The following LRRC20 variants were observed in gnomAD, a reference collection of about 807,000 sequenced individuals.
LRRC20 encodes the protein leucine rich repeat containing 20.
LRRC20 carries 11 observed loss-of-function variants against 14.4 expected under a neutral mutation model. The observed-to-expected ratio is 0.77, with a 90% CI of 0.48 to 1.27. The LOEUF (loss-of-function observed/expected upper bound fraction) is 1.27. Ranked by LOEUF, LRRC20 falls within the 50% of genes most tolerant of loss-of-function variation. The pLI, the probability that LRRC20 is intolerant of heterozygous loss-of-function variation, is 0.00. For missense variants in LRRC20, 219 were observed against 251.2 expected (o/e 0.87, Z 0.87); for synonymous variants, 121 against 107.3 (o/e 1.13, Z -0.79).
intron 2 of LRRC20, among the ~76,000 whole-genome samples, chr10:70,349,468 C>T (rs1366041618): frequency 1.3e-5 from 2 of 152,240 alleles, no homozygotes; most frequent in South Asian, 2.1e-4. Flanking sequence ...ATCCCAGCTA[C>T]TCAGGAGGCT....
intron 2 of LRRC20, among the ~76,000 whole-genome samples, chr10:70,345,957 C>T (rs1258353889): frequency 6.6e-6 from 1 of 151,884 alleles, no homozygotes; most frequent in Non-Finnish European, 1.5e-5. Context: ...CAGCAAGACC[C>T]GTCTCTACAA....
chr10:70,325,381 C>T (rs186069527), intron 3 of LRRC20, among the ~76,000 whole-genome samples: 48 of 152,218 alleles, frequency 3.2e-4, no homozygotes, highest in African/African-American at 1.1e-3. Flanking sequence ...TGGCCTCCCC[C>T]TCCCATCCCT....
chr10:70,328,211 CT>C (rs1189657241), intron 3 of LRRC20, among the ~76,000 whole-genome samples: 4 of 152,198 alleles, frequency 2.6e-5, no homozygotes, highest in Non-Finnish European at 5.9e-5. Flanking sequence ...CTACTATATG[CT>C]CAGCCTAATC....
chr10:70,333,119 G>A (rs776493407), intron 3 of LRRC20, among the ~76,000 whole-genome samples: 28 of 152,202 alleles, frequency 1.8e-4, no homozygotes, highest in Middle Eastern at 3.2e-3. Context: ...CTTAGAGCCT[G>A]GAAGAGGGAA....
rs1404530281 is a variant in LRRC20, at chr10:70,301,473, A to G, written c.436T>C (p.Leu146=). ...PVEKLAAMPA[L]RSINLRFNPL... ...TTGAAGCGGAGGTTGATGCTGCGCAAGGCTGGCATGGCGGCCAGCTTCTCC... is the reference window on the plus strand; with the variant it reads ...TTGAAGCGGAGGTTGATGCTGCGCAGGGCTGGCATGGCGGCCAGCTTCTCC... Residue 146 remains leucine (L), a synonymous_variant, in exon 5 of 5, where the codon TTG becomes CTG. Transcript: ENST00000446961. 1 of 1,614,006 alleles carries G rather than the reference A, an allele frequency of 6.2e-7. No individual in the cohort carries two copies. Among genetic ancestry groups the G allele is most frequent in the Non-Finnish European group, 8.5e-7 (1 of 1,180,042 alleles).
intron 4 of LRRC20, among the ~76,000 whole-genome samples, chr10:70,315,734 C>G (rs1358619782): frequency 6.6e-6 from 1 of 152,230 alleles, no homozygotes; most frequent in Non-Finnish European, 1.5e-5. Context: ...TCACCCTGCT[C>G]TTTTCCACCC....
chr10:70,307,136 G>T (rs1201305058), intron 4 of LRRC20, among the ~76,000 whole-genome samples: 1 of 152,230 alleles, frequency 6.6e-6, no homozygotes, highest in Non-Finnish European at 1.5e-5. Context: ...ATGGGGAAGA[G>T]TATTAGTGCC....
chr10:70,367,697 T>C (rs968122312), intron 2 of LRRC20, among the ~76,000 whole-genome samples: 3 of 151,884 alleles, frequency 2.0e-5, no homozygotes, highest in African/African-American at 4.8e-5. Context: ...GTACCAGGGA[T>C]GGGGAGGGTT....
At position 70,332,537 on chromosome 10, in the gene LRRC20, G is replaced by A. The variant is rs139580330; in HGVS notation, c.232+8016C>T. On this transcript the variant is annotated intron_variant, in intron 3 of 4. Coordinates refer to ENST00000446961, the MANE Select transcript of LRRC20 (RefSeq NM_001278212.2). The stretch of plus-strand genomic sequence containing the variant: ...GTGTGTGCCGTAGTCCCAGCTAGTC[G>A]GGAGGCTAAGGTGGAAAGATCACTT... Among the ~76,000 whole-genome samples the A allele has an allele frequency of 3.2e-4, 49 of 152,260 alleles. No homozygotes were observed. The East Asian group carries it at 9.5e-3, about 29-fold the overall frequency.
chr10:70,340,083 T>C (rs1842859963), intron 3 of LRRC20, among the ~76,000 whole-genome samples: 1 of 150,342 alleles, frequency 6.7e-6, no homozygotes, highest in Admixed American at 6.6e-5. Flanking sequence ...ATCACACCGC[T>C]GCACTCCAGC....
At chr10:70,365,870 A>AC (rs1205107240) in intron 2 of LRRC20, among the ~76,000 whole-genome samples, 1 of 152,104 alleles carries the variant, frequency 6.6e-6, no homozygotes, top group African/African-American at 2.4e-5. Flanking sequence ...GGAGATCGAG[A>AC]CCATCCTGGC....
Position 70,340,653 on chromosome 10 carries a change from G to A in LRRC20, c.132C>T (p.Val44=). ...GGATCTGGCCAGAGACATTCCGCAGGACCTTGTAGATGCCAATGGGAAAGG... is the reference window on the plus strand; with the variant it reads ...GGATCTGGCCAGAGACATTCCGCAGAACCTTGTAGATGCCAATGGGAAAGG... The part of the protein sequence containing the change: ...LVSFPIGIYK[V]LRNVSGQIHL... Residue 44 remains valine (V), a synonymous_variant, in exon 3 of 5, where the codon GTC becomes GTT. Transcript: ENST00000446961. 1 of 1,614,220 alleles carries A rather than the reference G, an allele frequency of 6.2e-7. No homozygotes were observed. The highest frequency in any genetic ancestry group is 1.1e-5 in the South Asian group (1 of 91,084).
At chr10:70,372,702 A>G (rs964602664) in intron 2 of LRRC20, among the ~76,000 whole-genome samples, 1 of 152,026 alleles carries the variant, frequency 6.6e-6, no homozygotes, top group Non-Finnish European at 1.5e-5. Flanking sequence ...TCGGCCACCC[A>G]AAGTGCTGGG....
intron 2 of LRRC20, among the ~76,000 whole-genome samples, chr10:70,371,720 A>G (rs1006884909): frequency 2.0e-5 from 3 of 152,136 alleles, no homozygotes; most frequent in South Asian, 4.1e-4. Flanking sequence ...CCTTAGAAAC[A>G]TCGAGAAGAT....
chr10:70,314,676 G>A (rs1402208564), intron 4 of LRRC20, among the ~76,000 whole-genome samples: 3 of 151,976 alleles, frequency 2.0e-5, no homozygotes, highest in African/African-American at 7.3e-5. Flanking sequence ...CAGATAGTTT[G>A]AGCATCGCTG....
At chr10:70,331,617 T>A (rs1842539007) in intron 3 of LRRC20, among the ~76,000 whole-genome samples, 2 of 152,134 alleles carry the variant, frequency 1.3e-5, no homozygotes, top group Admixed American at 1.3e-4. Flanking sequence ...CAGAGAGGGC[T>A]GAGATCTTCT....
At chr10:70,304,293 T>C (rs1416771062) in intron 4 of LRRC20, among the ~76,000 whole-genome samples, 1 of 152,006 alleles carries the variant, frequency 6.6e-6, no homozygotes, top group African/African-American at 2.4e-5. Context: ...CTCAGGCCGA[T>C]AGTGATGGCA....
At chr10:70,355,548 G>C (rs1031616229) in intron 2 of LRRC20, among the ~76,000 whole-genome samples, 1 of 152,188 alleles carries the variant, frequency 6.6e-6, no homozygotes, top group Non-Finnish European at 1.5e-5. Context: ...CTTCGGGAAG[G>C]CGCGTCTTCT....
At chr10:70,338,016 G>T in intron 3 of LRRC20, among the ~76,000 whole-genome samples, 1 of 152,076 alleles carries the variant, frequency 6.6e-6, no homozygotes, top group East Asian at 1.9e-4. Context: ...AATCCCAATT[G>T]GCTGAGTACA....
Sources: gnomAD v4.1 joint callset for allele counts (sites outside exome capture counted in the v4.1 genomes callset) on GRCh38, gnomAD v4.1.1 for gene constraint, MANE v1.5 for transcripts, NCBI Gene and HGNC (gene_info 2026-07-23, HGNC 2026-07-21) for gene names.